The following NAALADL2 variants were observed in gnomAD, a reference collection of about 807,000 sequenced individuals.
The protein encoded by NAALADL2 is N-acetylated alpha-linked acidic dipeptidase like 2, also known as inactive N-acetylated-alpha-linked acidic dipeptidase-like protein 2.
NAALADL2 carries 76 observed loss-of-function variants against 87.2 expected under a neutral mutation model. That is an observed-to-expected ratio of 0.87 (90% CI 0.72 to 1.05). The LOEUF (loss-of-function observed/expected upper bound fraction) is 1.05. Ranked by LOEUF, NAALADL2 falls within the 50% of genes least tolerant of loss-of-function variation. The probability of loss-of-function intolerance (pLI) is 0.00; values close to 1 mark genes in which losing one functional copy is unlikely to be tolerated. For missense variants in NAALADL2, 1,089 were observed against 945.8 expected (o/e 1.15, Z -1.99); for synonymous variants, 354 against 331.0 (o/e 1.07, Z -0.75).
chr3:175,073,771 TGTG>T (rs1716080334), intron 1 of NAALADL2, among the ~76,000 whole-genome samples: 1 of 152,084 alleles, frequency 6.6e-6, no homozygotes, highest in South Asian at 2.1e-4. Flanking sequence ...TAGTGGTTAT[TGTG>T]GTGCTGAATA....
chr3:175,333,680 G>C (rs1761666147), intron 5 of NAALADL2, among the ~76,000 whole-genome samples: 1 of 150,630 alleles, frequency 6.6e-6, no homozygotes, highest in Non-Finnish European at 1.5e-5. Context: ...TAGAGGTGTG[G>C]TGGGCGCCGG....
At chr3:175,140,301 T>C (rs1392730496) in intron 2 of NAALADL2, among the ~76,000 whole-genome samples, 2 of 152,112 alleles carry the variant, frequency 1.3e-5, no homozygotes, top group Non-Finnish European at 2.9e-5. Context: ...TGAGTACCCA[T>C]TAGATGTCAG....
intron 3 of NAALADL2, among the ~76,000 whole-genome samples, chr3:175,236,587 G>C (rs867175713): frequency 5.3e-5 from 8 of 151,332 alleles, no homozygotes; most frequent in African/African-American, 1.9e-4. Flanking sequence ...GCGGGGGTGG[G>C]TATATTAACA....
intron 1 of NAALADL2, among the ~76,000 whole-genome samples, chr3:174,460,597 T>A (rs967669587): frequency 1.3e-5 from 2 of 151,968 alleles, no homozygotes; most frequent in African/African-American, 4.8e-5. Context: ...TTTTTCTTTT[T>A]TTTTCTTACG....
At chr3:174,867,300 T>C (rs1727279870) in intron 1 of NAALADL2, among the ~76,000 whole-genome samples, 1 of 152,032 alleles carries the variant, frequency 6.6e-6, no homozygotes, top group Admixed American at 6.6e-5. Flanking sequence ...TTACATGTTT[T>C]GGTTGTTTCT....
At position 175,804,372 on chromosome 3, in the gene NAALADL2, A is replaced by ACACTT. The variant is rs1754518146; in HGVS notation, c.*1172_*1176dup. ...GTTACTGTAAGAGAGTGTCTCGTCT[A>ACACTT]CACTTCAGTTCTTCTCTCATGTGGA... On this transcript the variant is annotated 3_prime_UTR_variant, in exon 14 of 14. Coordinates refer to ENST00000454872, the MANE Select transcript of NAALADL2 (RefSeq NM_207015.3). The ACACTT allele has an allele frequency of 6.6e-6, 1 of 151,850 alleles. No homozygotes were observed. The highest frequency in any genetic ancestry group is 6.6e-5 in the Admixed American group (1 of 15,184). The allele number at this position is 151,850 out of a possible 1,614,324, so 9.4% of individuals were successfully genotyped here.
intron 1 of NAALADL2, among the ~76,000 whole-genome samples, chr3:174,478,348 C>T (rs1303790391): frequency 6.6e-6 from 1 of 152,100 alleles, no homozygotes; most frequent in African/African-American, 2.4e-5. Context: ...TTAAGAATTA[C>T]AAGACAGTGC....
chr3:175,209,883 A>C (rs571128954), intron 2 of NAALADL2, among the ~76,000 whole-genome samples: 16 of 149,316 alleles, frequency 1.1e-4, no homozygotes, highest in African/African-American at 3.5e-4. Context: ...AGCATTTAAA[A>C]AAATTAAAAA....
intron 11 of NAALADL2, among the ~76,000 whole-genome samples, chr3:175,629,308 AC>A (rs1727443081): frequency 6.7e-6 from 1 of 148,822 alleles, no homozygotes; most frequent in East Asian, 1.9e-4. Flanking sequence ...ACACATAGAC[AC>A]ACACATAAAC....
intron 2 of NAALADL2, among the ~76,000 whole-genome samples, chr3:175,140,318 A>C (rs1729803669): frequency 6.6e-6 from 1 of 152,152 alleles, no homozygotes; most frequent in African/African-American, 2.4e-5. Context: ...TCAGGTATTC[A>C]GGTGGGACTA....
chr3:175,624,798 G>A lies in NAALADL2; in HGVS notation c.1801-2493G>A, dbSNP rs557039167. Among the ~76,000 whole-genome samples the A allele has an allele frequency of 2.0e-5, 3 of 151,846 alleles. No homozygotes were observed. The East Asian group carries it at 5.8e-4, about 29-fold the overall frequency. On this transcript the variant is annotated intron_variant, in intron 10 of 13. Coordinates refer to ENST00000454872, the MANE Select transcript of NAALADL2 (RefSeq NM_207015.3). ...GAACTTTAAGACTGAAAACATATCT[G>A]GATTAATTGAAATGATTCACATTTT...
At chr3:175,802,961 A>G in intron 13 of NAALADL2, 44 bp from the exon 14 acceptor site, 8 of 1,262,134 alleles carry the variant, frequency 6.3e-6, no homozygotes, top group Non-Finnish European at 9.1e-6. Context: ...ATAGAAAAAT[A>G]GCATTGTGCA....
At chr3:175,479,292 T>C (rs1295377440) in intron 9 of NAALADL2, among the ~76,000 whole-genome samples, 1 of 151,814 alleles carries the variant, frequency 6.6e-6, no homozygotes, top group Non-Finnish European at 1.5e-5. Context: ...AAATAAATAG[T>C]TAAACAAACA....
intron 2 of NAALADL2, among the ~76,000 whole-genome samples, chr3:175,132,411 C>G (rs868071122): frequency 9.4e-5 from 5 of 53,302 alleles, no homozygotes; most frequent in South Asian, 7.2e-4. Flanking sequence ...CTCACCTCCC[C>G]GACGGGTCTG....
At chr3:175,194,293 T>G (rs1442281311) in intron 2 of NAALADL2, among the ~76,000 whole-genome samples, 1 of 151,896 alleles carries the variant, frequency 6.6e-6, no homozygotes, top group Non-Finnish European at 1.5e-5. Flanking sequence ...ATTAGTCATT[T>G]TCTTTTTCCT....
At chr3:174,920,688 CT>C (rs541002256) in intron 1 of NAALADL2, among the ~76,000 whole-genome samples, 98 of 152,246 alleles carry the variant, frequency 6.4e-4, no homozygotes, top group Admixed American at 1.8e-3. Flanking sequence ...TGAACTTTTT[CT>C]TTGCATTCCC....
intron 9 of NAALADL2, among the ~76,000 whole-genome samples, chr3:175,499,229 T>C (rs958009352): frequency 3.3e-5 from 5 of 152,242 alleles, no homozygotes; most frequent in Middle Eastern, 3.4e-3. Context: ...ATTTTTACAC[T>C]GTCTAATTTC....
intron 9 of NAALADL2, among the ~76,000 whole-genome samples, chr3:175,542,895 A>G (rs144165041): frequency 1.3e-5 from 2 of 152,234 alleles, no homozygotes; most frequent in African/African-American, 4.8e-5. Context: ...ATGAATAAAC[A>G]GGAGGAAAAT....
In NAALADL2 at chr3:174,521,228, C is replaced by T. The variant is rs544223981; in HGVS notation, c.-183-29341C>T. 4.5e-4 allele frequency among the ~76,000 whole-genome samples: 68 copies of T among 152,226 alleles called. No homozygotes were observed. In the South Asian group the frequency reaches 5.8e-3, roughly 13 times the overall value. On this transcript the variant is annotated intron_variant, in intron 1 of 3. Transcript: ENST00000434257. ...TGAATGTTTATTGCAACACTATTCA[C>T]GATAGCAAAGGCATGGAATCAACCT...
Sources: gnomAD v4.1 joint callset for allele counts (sites outside exome capture counted in the v4.1 genomes callset) on GRCh38, gnomAD v4.1.1 for gene constraint, MANE v1.5 for transcripts, NCBI Gene and HGNC (gene_info 2026-07-23, HGNC 2026-07-21) for gene names.